FTO: variants seen among roughly 807,000 people sequenced by gnomAD.
The protein encoded by FTO is FTO alpha-ketoglutarate dependent dioxygenase, also known as alpha-ketoglutarate-dependent dioxygenase FTO.
In FTO, 47 loss-of-function variants were observed where a neutral mutation model predicts 63.9. That is an observed-to-expected ratio of 0.74 (90% CI 0.58 to 0.94). The LOEUF is 0.94. FTO is among the 40% of genes least tolerant of loss of function. The pLI is 0.00. For missense variants in FTO, 562 were observed against 618.1 expected (o/e 0.91, Z 0.96); for synonymous variants, 207 against 224.4 (o/e 0.92, Z 0.69).
At chr16:53,771,274 G>T (rs1389304915) in intron 1 of FTO, among the ~76,000 whole-genome samples, 4 of 152,116 alleles carry the variant, frequency 2.6e-5, no homozygotes, top group Non-Finnish European at 5.9e-5. Flanking sequence ...CAGTTGTTCA[G>T]ACCAAAAACC....
chr16:54,079,220 G>A (rs905464021), intron 8 of FTO, among the ~76,000 whole-genome samples: 3 of 152,132 alleles, frequency 2.0e-5, no homozygotes, highest in Non-Finnish European at 4.4e-5. Flanking sequence ...AGATGGGGTA[G>A]TATTTATGAA....
intron 8 of FTO, among the ~76,000 whole-genome samples, chr16:54,034,443 A>C (rs2084898487): frequency 1.3e-5 from 2 of 152,324 alleles, no homozygotes; most frequent in South Asian, 4.1e-4. Flanking sequence ...GCCTGTTGGC[A>C]TGAGTACATT....
intron 8 of FTO, among the ~76,000 whole-genome samples, chr16:54,034,408 A>G (rs62034083): frequency 0.031 from 4,676 of 152,286 alleles, 121 homozygotes; most frequent in Middle Eastern, 0.12. Context: ...AGAAAAACGT[A>G]CCTTAATTTG....
intron 8 of FTO, among the ~76,000 whole-genome samples, chr16:54,099,200 G>T (rs1326786888): frequency 1.3e-5 from 2 of 152,158 alleles, no homozygotes; most frequent in African/African-American, 4.8e-5. Flanking sequence ...CATGTCGTAG[G>T]TATAGCATGA....
At chr16:54,000,567 T>C (rs1049213420) in intron 8 of FTO, among the ~76,000 whole-genome samples, 1 of 152,192 alleles carries the variant, frequency 6.6e-6, no homozygotes, top group Non-Finnish European at 1.5e-5. Flanking sequence ...AGTAACTCTG[T>C]TGTAAGAACT....
intron 2 of FTO, among the ~76,000 whole-genome samples, chr16:53,816,499 AC>A (rs5816908): frequency 0.78 from 108,407 of 138,320 alleles, 40,945 homozygotes; most frequent in East Asian, 0.96. Context: ...CCCACTCCCC[AC>A]CCCCCCTCAC....
intron 8 of FTO, among the ~76,000 whole-genome samples, chr16:53,971,025 A>G (rs529477237): frequency 7.9e-5 from 12 of 152,242 alleles, no homozygotes; most frequent in Non-Finnish European, 1.6e-4. Flanking sequence ...TATTTACTGC[A>G]TATACATTTT....
At chr16:53,730,432 C>G (rs1001265772) in intron 1 of FTO, among the ~76,000 whole-genome samples, 1 of 151,716 alleles carries the variant, frequency 6.6e-6, no homozygotes, top group Non-Finnish European at 1.5e-5. Context: ...CCATTTATCT[C>G]TACATTTTTC....
intron 7 of FTO, among the ~76,000 whole-genome samples, chr16:53,929,466 C>T (rs2082228163): frequency 6.6e-6 from 1 of 152,110 alleles, no homozygotes; most frequent in African/African-American, 2.4e-5. Context: ...AGATTGTTTC[C>T]AGTTTTTGGT....
chr16:53,762,371 G>C (rs908262904), intron 1 of FTO, among the ~76,000 whole-genome samples: 1 of 152,138 alleles, frequency 6.6e-6, no homozygotes, highest in Non-Finnish European at 1.5e-5. Flanking sequence ...TTCTGTGAGT[G>C]CTTACTGACC....
chr16:53,751,241 C>T (rs1411813363), intron 1 of FTO, among the ~76,000 whole-genome samples: 3 of 151,944 alleles, frequency 2.0e-5, no homozygotes, highest in Non-Finnish European at 4.4e-5. Flanking sequence ...GACCCTCTCT[C>T]TATTAAAAAA....
At chr16:53,971,038 A>G (rs1223186202) in intron 8 of FTO, among the ~76,000 whole-genome samples, 3 of 152,232 alleles carry the variant, frequency 2.0e-5, no homozygotes, top group African/African-American at 7.2e-5. Flanking sequence ...TACATTTTAT[A>G]TACATGTTTT....
chr16:53,872,407 T>C (rs1394749690), intron 4 of FTO, among the ~76,000 whole-genome samples: 2 of 152,238 alleles, frequency 1.3e-5, no homozygotes, highest in Admixed American at 1.3e-4. Flanking sequence ...GGCCTCCCTA[T>C]ACTCCAGTCT....
chr16:53,759,693 CAAAAA>C (rs758376530), intron 1 of FTO, among the ~76,000 whole-genome samples: 1 of 28,516 alleles, frequency 3.5e-5, no homozygotes, highest in African/African-American at 1.6e-4. Context: ...GACTCCTTCT[CAAAAA>C]AAAAAAAAAA....
intron 8 of FTO, among the ~76,000 whole-genome samples, chr16:54,107,466 TTC>T (rs2086783096): frequency 6.6e-6 from 1 of 152,212 alleles, no homozygotes; most frequent in Non-Finnish European, 1.5e-5. Context: ...TTCTCTTGTT[TTC>T]TGGGCAGAAA....
intron 4 of FTO, among the ~76,000 whole-genome samples, chr16:53,869,734 C>G (rs2080442025): frequency 6.6e-6 from 1 of 152,088 alleles, no homozygotes; most frequent in Non-Finnish European, 1.5e-5. Context: ...TTAGAATTTC[C>G]ATCCCTCTGC....
chr16:54,086,439 G>T (rs539521965), intron 8 of FTO, among the ~76,000 whole-genome samples: 1 of 152,322 alleles, frequency 6.6e-6, no homozygotes, highest in South Asian at 2.1e-4. Flanking sequence ...TGGTGAAAAT[G>T]CAATGATAGT....
At chr16:53,928,120 G>A (rs1019237700) in intron 7 of FTO, among the ~76,000 whole-genome samples, 3 of 152,126 alleles carry the variant, frequency 2.0e-5, no homozygotes, top group African/African-American at 4.8e-5. Flanking sequence ...AGGTGACAGC[G>A]GGGATTTGAG....
At chr16:53,967,269 C>T (rs2083217494) in intron 8 of FTO, among the ~76,000 whole-genome samples, 1 of 151,840 alleles carries the variant, frequency 6.6e-6, no homozygotes, top group Non-Finnish European at 1.5e-5. Flanking sequence ...TTCTGTGTGA[C>T]CAGGAGTCTG....
Sources: allele counts gnomAD v4.1 joint callset (sites outside exome capture counted in the v4.1 genomes callset), GRCh38; gene constraint gnomAD v4.1.1; transcripts MANE v1.5; gene names NCBI Gene and HGNC (gene_info 2026-07-23, HGNC 2026-07-21).